The following RAB1B variants were observed in gnomAD, a reference collection of about 807,000 sequenced individuals.
The protein encoded by RAB1B is RAB1B, member RAS oncogene family, also known as ras-related protein Rab-1B.
Under a neutral mutation model 24.8 loss-of-function variants are expected in RAB1B, and 10 were observed. The ratio of observed to expected loss-of-function variants is 0.40; its 90% confidence interval spans 0.25 to 0.68. The LOEUF (loss-of-function observed/expected upper bound fraction) is 0.68. Ranked by LOEUF, RAB1B falls within the 30% of genes least tolerant of loss-of-function variation. The pLI, the probability that RAB1B is intolerant of heterozygous loss-of-function variation, is 0.37. For missense variants in RAB1B, 154 were observed against 271.2 expected (o/e 0.57, Z 3.04); for synonymous variants, 99 against 111.7 (o/e 0.89, Z 0.72).
rs1448700948 is a variant in RAB1B at position 66,277,087 on chromosome 11, G to A, written c.*849G>A. On this transcript the variant is annotated 3_prime_UTR_variant, in exon 6 of 6. Transcript: ENST00000311481. ...GCACATCTGGCTCACTCCCCACTCC[G>A]TCTCTGGAGCCCACCAGGGAAGGCC... The A allele has an allele frequency of 1.3e-5, 2 of 152,826 alleles. No individual in the cohort carries two copies. Among genetic ancestry groups the A allele is most frequent in the African/African-American group, 2.4e-5 (1 of 41,438 alleles). The allele number at this position is 152,826 out of a possible 1,614,324, so 9.5% of individuals were successfully genotyped here.
At chr11:66,274,499 C>T (rs991562900) in intron 4 of RAB1B, among the ~76,000 whole-genome samples, 10 of 152,204 alleles carry the variant, frequency 6.6e-5, no homozygotes, top group Non-Finnish European at 1.5e-4. Flanking sequence ...GCTTCCCTGG[C>T]TCAGTGCACG....
intron 1 of RAB1B, among the ~76,000 whole-genome samples, chr11:66,268,912 G>A (rs1371760207): frequency 1.4e-5 from 2 of 144,714 alleles, no homozygotes; most frequent in Non-Finnish European, 3.0e-5. Flanking sequence ...GGGCCCAGAC[G>A]TGGCGACCCC....
rs751859477 is a variant in RAB1B at position 66,276,182 on chromosome 11, C to G, written c.550C>G (p.Pro184Ala). 5.0e-6 allele frequency: 8 copies of G among 1,605,554 alleles called. No homozygotes were observed. The African/African-American group carries it at 1.1e-4, about 22-fold the overall frequency. Residue 184 changes from proline (P) to alanine (A), a missense_variant, in exon 6 of 6, where the codon CCC becomes GCC. Around this residue, in one of 2 missense-constraint regions of RAB1B, gnomAD observed 77 missense variants for 97.8 expected, o/e 0.79. Coordinates refer to ENST00000311481, the MANE Select transcript of RAB1B (RefSeq NM_030981.3). ...TGGAGCAGCCTCTGGGGGCGAGCGGCCCAATCTCAAGATCGACAGCACCCC... is the reference window on the plus strand; with the variant it reads ...TGGAGCAGCCTCTGGGGGCGAGCGGGCCAATCTCAAGATCGACAGCACCCC... ...GPGAASGGER[P>A]NLKIDSTPVK...
At chr11:66,269,942 A>G (rs977205367) in intron 1 of RAB1B, 1 of 151,466 alleles carries the variant, frequency 6.6e-6, no homozygotes, top group African/African-American at 2.4e-5. Flanking sequence ...TGGCGTGACG[A>G]TGGCTCACTG....
rs1277248071 is a variant in RAB1B, at chr11:66,272,360, C to T, written c.184-5C>T. 9 of 1,612,426 alleles carry T rather than the reference C, an allele frequency of 5.6e-6. No individual in the cohort carries two copies. The highest frequency in any genetic ancestry group is 1.7e-6 in the Non-Finnish European group (2 of 1,178,742). ...TGACCTGCTCCTCTGCCTACTGTCTCCTAGTGGGACACAGCGGGCCAGGAA... is the reference window on the plus strand; with the variant it reads ...TGACCTGCTCCTCTGCCTACTGTCTTCTAGTGGGACACAGCGGGCCAGGAA... On this transcript the variant is annotated splice_polypyrimidine_tract_variant and splice_region_variant and intron_variant, in intron 3 of 5. Coordinates refer to ENST00000311481, the MANE Select transcript of RAB1B (RefSeq NM_030981.3).
At chr11:66,269,241 C>T (rs2134857803) in intron 1 of RAB1B, among the ~76,000 whole-genome samples, 1 of 152,222 alleles carries the variant, frequency 6.6e-6, no homozygotes, top group East Asian at 1.9e-4. Flanking sequence ...CCGGGGCTGC[C>T]TCCTACCCTT....
Position 66,276,556 on chromosome 11 carries a change from C to A in RAB1B, c.*318C>A. The A allele has an allele frequency of 3.0e-6, 1 of 334,680 alleles. No homozygotes were observed. The highest frequency in any genetic ancestry group is 5.5e-6 in the Non-Finnish European group (1 of 183,480). 20.7% of individuals were successfully genotyped at this position (334,680 alleles called of 1,614,324 possible). A position where few individuals can be genotyped will look rare whatever the true frequency, so the allele number is the denominator to read the frequency against. ...AGGGCTCTTCTGTCGGTGTCCCTCCCACCCCCATGTATGCTGCACTGGGTT... is the reference window on the plus strand; with the variant it reads ...AGGGCTCTTCTGTCGGTGTCCCTCCAACCCCCATGTATGCTGCACTGGGTT... On this transcript the variant is annotated 3_prime_UTR_variant, in exon 6 of 6. Coordinates refer to ENST00000311481, the MANE Select transcript of RAB1B (RefSeq NM_030981.3).
chr11:66,276,255 G>T lies in RAB1B; in HGVS notation c.*17G>T. On this transcript the variant is annotated 3_prime_UTR_variant, in exon 6 of 6. Transcript: ENST00000311481. The stretch of plus-strand genomic sequence containing the variant: ...TGTTGCTAGGAGGGGCACATGGAGT[G>T]GGACAGGAGGGGGCACCTTCTCCAG... 1 of 1,553,020 alleles carries T rather than the reference G, an allele frequency of 6.4e-7. No homozygotes were observed. The highest frequency in any genetic ancestry group is 1.2e-5 in the South Asian group (1 of 82,416).
intron 2 of RAB1B, 137 bp downstream of exon 2, chr11:66,272,006 G>T (rs891812089): frequency 1.1e-6 from 1 of 940,254 alleles, no homozygotes; most frequent in Admixed American, 1.7e-5. Flanking sequence ...CAGCACATCT[G>T]CCCTGAACAA....
chr11:66,272,022 G>A, intron 2 of RAB1B, 135 bp from the exon 3 acceptor site: 1 of 954,460 alleles, frequency 1.0e-6, no homozygotes, highest in Non-Finnish European at 1.7e-6. Context: ...AACAAGACAG[G>A]GCTGGCCAGC....
intron 4 of RAB1B, among the ~76,000 whole-genome samples, chr11:66,274,219 C>T (rs1339668893): frequency 6.6e-6 from 1 of 152,152 alleles, no homozygotes; most frequent in Non-Finnish European, 1.5e-5. Context: ...AGTCTCGAGT[C>T]CCCTCTATTC....
chr11:66,272,485 G>A (rs1014675122), intron 4 of RAB1B, 25 bp downstream of exon 4: 2 of 1,501,254 alleles, frequency 1.3e-6, no homozygotes, highest in African/African-American at 2.8e-5. Flanking sequence ...GCCATCCTCA[G>A]CTTGGCCTCC....
Position 66,276,573 on chromosome 11 carries a change from C to A in RAB1B, c.*335C>A. 1 of 275,290 alleles carries A rather than the reference C, an allele frequency of 3.6e-6. No individual in the cohort carries two copies. The allele number at this position is 275,290 out of a possible 1,614,324, so 17.1% of individuals were successfully genotyped here. A position where few individuals can be genotyped will look rare whatever the true frequency, so the allele number is the denominator to read the frequency against. ...GTCCCTCCCACCCCCATGTATGCTG[C>A]ACTGGGTTCTCTCCTTCTTCTTCCT... is the stretch of plus-strand genomic sequence containing the variant. On this transcript the variant is annotated 3_prime_UTR_variant, in exon 6 of 6. Transcript: ENST00000311481.
chr11:66,272,578 G>C (rs555853), intron 4 of RAB1B, 118 bp downstream of exon 4: 331,355 of 659,904 alleles, frequency 0.5, 87,191 homozygotes, highest in Non-Finnish European at 0.54. Context: ...CTATTTGTCT[G>C]CTTACAGGAA....
chr11:66,276,309 CCTCCCT>C lies in RAB1B; in HGVS notation c.*82_*87del, dbSNP rs1339889942. On this transcript the variant is annotated 3_prime_UTR_variant, in exon 6 of 6. Coordinates refer to ENST00000311481, the MANE Select transcript of RAB1B (RefSeq NM_030981.3). ...ATGTCCCTGGAGGGGGCAGGAGGTA[CCTCCCT>C]CTCCCTCTCCTGGGGCATTTGAGTC... The C allele has an allele frequency of 2.9e-6, 4 of 1,367,600 alleles. No homozygotes were observed. Among genetic ancestry groups the C allele is most frequent in the Non-Finnish European group, 3.9e-6 (4 of 1,026,430 alleles). The allele number at this position is 1,367,600 out of a possible 1,614,324, so 84.7% of individuals were successfully genotyped here. A position where few individuals can be genotyped will look rare whatever the true frequency, so the allele number is the denominator to read the frequency against.
chr11:66,272,313 C>G, intron 3 of RAB1B, 52 bp from the exon 4 acceptor site: 2 of 1,599,608 alleles, frequency 1.3e-6, no homozygotes, highest in South Asian at 1.1e-5. Flanking sequence ...AGGGAAGGGA[C>G]TCTGGGACTC....
chr11:66,269,495 A>G (rs914474223), intron 1 of RAB1B, among the ~76,000 whole-genome samples: 1 of 152,190 alleles, frequency 6.6e-6, no homozygotes, highest in Admixed American at 6.5e-5. Context: ...CCCAGGACTA[A>G]TAGTTTTCCC....
intron 4 of RAB1B, among the ~76,000 whole-genome samples, chr11:66,273,486 C>G (rs1857093182): frequency 1.3e-5 from 2 of 152,250 alleles, no homozygotes; most frequent in African/African-American, 4.8e-5. Flanking sequence ...TCCTCAGTCT[C>G]CTGCAGCACT....
Position 66,276,566 on chromosome 11 carries a change from T to G in RAB1B, c.*328T>G. 3.4e-6 allele frequency: 1 copy of G among 295,676 alleles called. No homozygotes were observed. The highest frequency in any genetic ancestry group is 6.3e-6 in the Non-Finnish European group (1 of 159,602). The allele number at this position is 295,676 out of a possible 1,614,324, so 18.3% of individuals were successfully genotyped here. A position where few individuals can be genotyped will look rare whatever the true frequency, so the allele number is the denominator to read the frequency against. ...TGTCGGTGTCCCTCCCACCCCCATGTATGCTGCACTGGGTTCTCTCCTTCT... is the reference window on the plus strand; with the variant it reads ...TGTCGGTGTCCCTCCCACCCCCATGGATGCTGCACTGGGTTCTCTCCTTCT... On this transcript the variant is annotated 3_prime_UTR_variant, in exon 6 of 6. Transcript: ENST00000311481.
Sources: allele counts gnomAD v4.1 joint callset (sites outside exome capture counted in the v4.1 genomes callset), GRCh38; gene constraint gnomAD v4.1.1; regional missense constraint gnomAD v4.1.1; transcripts MANE v1.5; gene names NCBI Gene and HGNC (gene_info 2026-07-23, HGNC 2026-07-21).